DLGAP1: variants seen among roughly 807,000 people sequenced by gnomAD.
DLGAP1 encodes the protein disks large-associated protein 1.
DLGAP1 carries 11 observed loss-of-function variants against 90.8 expected under a neutral mutation model. That is an observed-to-expected ratio of 0.12 (90% confidence interval 0.08 to 0.20). DLGAP1 has a LOEUF of 0.20. Ranked by LOEUF, DLGAP1 falls within the 10% of genes least tolerant of loss-of-function variation. The probability of loss-of-function intolerance (pLI) is 1.00; values close to 1 mark genes in which losing one functional copy is unlikely to be tolerated. For synonymous variants in DLGAP1, 558 were observed against 540.7 expected (o/e 1.03, Z -0.44); for missense variants, 1,050 against 1,333.8 (o/e 0.79, Z 3.31).
chr18:3,564,190 T>TA (rs1319214520), intron 9 of DLGAP1, among the ~76,000 whole-genome samples: 1 of 152,240 alleles, frequency 6.6e-6, no homozygotes, highest in Non-Finnish European at 1.5e-5. Flanking sequence ...TGGCATTTAG[T>TA]AATGTACTGG....
chr18:3,824,149 T>C (rs760426606), intron 4 of DLGAP1, among the ~76,000 whole-genome samples: 1 of 152,128 alleles, frequency 6.6e-6, no homozygotes, highest in Admixed American at 6.5e-5. Flanking sequence ...ATTATTGTTA[T>C]AGTTACTAGT....
chr18:3,919,455 G>T (rs546852249), intron 3 of DLGAP1, among the ~76,000 whole-genome samples: 1 of 152,294 alleles, frequency 6.6e-6, no homozygotes, highest in Non-Finnish European at 1.5e-5. Context: ...TTACATTTTG[G>T]ATTTATTGGA....
intron 5 of DLGAP1, among the ~76,000 whole-genome samples, chr18:3,766,037 C>T (rs1187475402): frequency 1.3e-5 from 2 of 152,076 alleles, no homozygotes; most frequent in African/African-American, 2.4e-5. Flanking sequence ...CTACATACGT[C>T]AACTAAAAGG....
chr18:3,937,493 C>G (rs944852101), intron 3 of DLGAP1, among the ~76,000 whole-genome samples: 7 of 152,094 alleles, frequency 4.6e-5, no homozygotes, highest in African/African-American at 1.7e-4. Context: ...ATTATCTCCA[C>G]GTGACCCCGC....
At chr18:4,039,487 C>G (rs2074943778) in intron 2 of DLGAP1, among the ~76,000 whole-genome samples, 1 of 152,006 alleles carries the variant, frequency 6.6e-6, no homozygotes, top group Non-Finnish European at 1.5e-5. Context: ...ATTATTCCAT[C>G]AAATAAATGC....
intron 3 of DLGAP1, among the ~76,000 whole-genome samples, chr18:3,899,535 C>G (rs1422710035): frequency 6.6e-6 from 1 of 152,182 alleles, no homozygotes; most frequent in Non-Finnish European, 1.5e-5. Flanking sequence ...TGGATGTTTA[C>G]TTAGGGAATG....
chr18:3,798,009 T>G (rs1598789953), intron 5 of DLGAP1, among the ~76,000 whole-genome samples: 1 of 152,308 alleles, frequency 6.6e-6, no homozygotes. Flanking sequence ...GCTCTTGCCT[T>G]CTGCCATGAT....
intron 1 of DLGAP1, among the ~76,000 whole-genome samples, chr18:4,156,949 T>C (rs1258396823): frequency 6.6e-6 from 1 of 152,172 alleles, no homozygotes; most frequent in East Asian, 1.9e-4. Context: ...CTCTGGAAGC[T>C]CTAGGGTGAA....
chr18:3,568,181 G>A (rs909107746), intron 8 of DLGAP1, among the ~76,000 whole-genome samples: 2 of 152,224 alleles, frequency 1.3e-5, no homozygotes, highest in East Asian at 1.9e-4. Flanking sequence ...TTACAGGCGT[G>A]AGCCACCACG....
chr18:3,994,258 C>T (rs1440223504), intron 3 of DLGAP1, among the ~76,000 whole-genome samples: 1 of 152,210 alleles, frequency 6.6e-6, no homozygotes, highest in African/African-American at 2.4e-5. Context: ...CAGCAATCTG[C>T]CCCTCTGCGA....
rs2076998881 is a variant in DLGAP1, at chr18:4,170,150, T to C, written c.-266-18863A>G. The stretch of plus-strand genomic sequence containing the variant: ...TAGAGGAAGCCAGTAGCAGAGCAGA[T>C]AGGTAGGAAGAGTAAGATTCTAAAT... On this transcript the variant is annotated intron_variant, in intron 1 of 12. Transcript: ENST00000315677. Among the ~76,000 whole-genome samples the C allele has an allele frequency of 2.0e-5, 3 of 151,962 alleles. No homozygotes were observed. The South Asian group carries it at 6.2e-4, about 32-fold the overall frequency.
intron 4 of DLGAP1, among the ~76,000 whole-genome samples, chr18:3,816,198 C>T (rs1285229331): frequency 6.6e-6 from 1 of 152,076 alleles, no homozygotes; most frequent in East Asian, 1.9e-4. Flanking sequence ...AGTAACTTGC[C>T]AAAGGACACA....
At chr18:3,835,522 G>C (rs1230905586) in intron 4 of DLGAP1, among the ~76,000 whole-genome samples, 2 of 151,822 alleles carry the variant, frequency 1.3e-5, no homozygotes, top group African/African-American at 4.8e-5. Flanking sequence ...GGTGGCGCGC[G>C]ACTGTAGTTC....
chr18:4,387,385 T>C (rs994183862), intron 1 of DLGAP1, among the ~76,000 whole-genome samples: 2 of 152,224 alleles, frequency 1.3e-5, no homozygotes, highest in East Asian at 1.9e-4. Flanking sequence ...GGGCCATATA[T>C]GTGACCAGAC....
intron 7 of DLGAP1, among the ~76,000 whole-genome samples, chr18:3,667,517 C>T (rs1286405579): frequency 6.6e-6 from 1 of 152,094 alleles, no homozygotes; most frequent in Non-Finnish European, 1.5e-5. Context: ...GTTTTCCACT[C>T]CGGTGGACTA....
chr18:3,880,573 G>C (rs1027562130), intron 3 of DLGAP1, among the ~76,000 whole-genome samples: 6 of 152,150 alleles, frequency 3.9e-5, no homozygotes, highest in Non-Finnish European at 1.5e-5. Flanking sequence ...TATTGGAAGA[G>C]CTCTGTCACC....
At chr18:3,924,980 T>G (rs933922875) in intron 3 of DLGAP1, among the ~76,000 whole-genome samples, 6 of 151,992 alleles carry the variant, frequency 3.9e-5, no homozygotes, top group Non-Finnish European at 7.4e-5. Context: ...GGAGACAGAG[T>G]CTTGCTCCAT....
intron 1 of DLGAP1, among the ~76,000 whole-genome samples, chr18:4,341,775 A>G (rs913416890): frequency 1.3e-5 from 2 of 152,208 alleles, no homozygotes; most frequent in East Asian, 1.9e-4. Context: ...GACATCAAAC[A>G]TAAGAGGGAT....
chr18:3,905,969 G>C (rs1403401160), intron 3 of DLGAP1, among the ~76,000 whole-genome samples: 2 of 152,192 alleles, frequency 1.3e-5, no homozygotes, highest in African/African-American at 4.8e-5. Context: ...TCTAGCCATT[G>C]CTTGAAATGA....
Sources: allele counts gnomAD v4.1 joint callset (sites outside exome capture counted in the v4.1 genomes callset), GRCh38; gene constraint gnomAD v4.1.1; transcripts MANE v1.5; gene names NCBI Gene and HGNC (gene_info 2026-07-23, HGNC 2026-07-21).